The following EDNRA variants were observed in gnomAD, a reference collection of about 807,000 sequenced individuals.
The protein encoded by EDNRA is endothelin receptor type A.
A neutral mutation model predicts 41.4 loss-of-function variants in EDNRA; 11 were observed. The ratio of observed to expected loss-of-function variants is 0.27; its 90% confidence interval spans 0.17 to 0.44. The LOEUF is 0.44. Among genes scored for constraint, EDNRA ranks in the 20% least tolerant of loss-of-function variants. The pLI is 1.00. For synonymous variants in EDNRA, 172 were observed against 183.0 expected (o/e 0.94, Z 0.49); for missense variants, 294 against 531.0 (o/e 0.55, Z 4.39).
At chr4:147,504,454 C>T (rs369461689) in intron 2 of EDNRA, among the ~76,000 whole-genome samples, 4 of 152,098 alleles carry the variant, frequency 2.6e-5, no homozygotes, top group Admixed American at 1.3e-4. Flanking sequence ...AAACTACATT[C>T]GTTAATATCA....
chr4:147,542,216 C>A (rs1731128711), intron 7 of EDNRA, among the ~76,000 whole-genome samples: 1 of 152,210 alleles, frequency 6.6e-6, no homozygotes, highest in South Asian at 2.1e-4. Flanking sequence ...AGCCCTTCCT[C>A]TCACCTACAG....
chr4:147,533,779 T>C (rs1401618331), intron 4 of EDNRA, among the ~76,000 whole-genome samples: 2 of 152,190 alleles, frequency 1.3e-5, no homozygotes, highest in Non-Finnish European at 2.9e-5. Context: ...AGAGGTTCAC[T>C]ATAAGAAGGA....
chr4:147,539,989 C>A, intron 6 of EDNRA, 39 bp downstream of exon 6: 2 of 1,550,550 alleles, frequency 1.3e-6, no homozygotes, highest in South Asian at 2.5e-5. Flanking sequence ...TGGAGTTTCT[C>A]AGATTTTCAT....
chr4:147,516,967 A>G (rs905462491), intron 2 of EDNRA, among the ~76,000 whole-genome samples: 3 of 150,028 alleles, frequency 2.0e-5, no homozygotes, highest in South Asian at 4.2e-4. Flanking sequence ...TATTATTTCC[A>G]TATGTTCCCA....
chr4:147,485,752 A>T lies in EDNRA; in HGVS notation c.71A>T (p.Glu24Val), dbSNP rs1309363591. The T allele has an allele frequency of 6.2e-7, 1 of 1,614,206 alleles. No individual in the cohort carries two copies. The highest frequency in any genetic ancestry group is 8.5e-7 in the Non-Finnish European group (1 of 1,180,026). ...GGATGTGTAATCAGTGATAATCCTG[A>T]GAGATACAGCACAAATCTAAGCAAT... ...LVGCVISDNP[E>V]RYSTNLSNHV... is the part of the protein sequence containing the mutation. Residue 24 changes from glutamate to valine, a missense_variant, in exon 2 of 8, where the codon GAG (glutamate) becomes GTG (valine). Glu to Val is a moderately radical substitution (Grantham distance 121). This residue lies in a region of EDNRA where 90 missense variants were observed against 122.8 expected (regional missense o/e 0.73). Transcript: ENST00000651419.
chr4:147,530,371 GAACA>G (rs1468360336), intron 3 of EDNRA, among the ~76,000 whole-genome samples: 1 of 151,946 alleles, frequency 6.6e-6, no homozygotes, highest in East Asian at 1.9e-4. Flanking sequence ...TTTAACAAGG[GAACA>G]AAGAAAAATA....
intron 4 of EDNRA, among the ~76,000 whole-genome samples, chr4:147,533,222 C>T (rs1228975135): frequency 6.6e-6 from 1 of 152,000 alleles, no homozygotes; most frequent in Non-Finnish European, 1.5e-5. Flanking sequence ...GTTTCTATGT[C>T]TAATATACAA....
intron 2 of EDNRA, chr4:147,487,963 A>C (rs1578772863): frequency 6.6e-6 from 1 of 152,362 alleles, no homozygotes; most frequent in South Asian, 2.1e-4. Context: ...TACTATGTGC[A>C]CACAACCACT....
At chr4:147,535,787 T>G in intron 4 of EDNRA, 90 bp from the exon 5 acceptor site, 1 of 1,506,248 alleles carries the variant, frequency 6.6e-7, no homozygotes. Context: ...ATCTGCAAGT[T>G]TAAAGACCTT....
chr4:147,516,947 T>A (rs963925472), intron 2 of EDNRA, among the ~76,000 whole-genome samples: 2 of 151,750 alleles, frequency 1.3e-5, no homozygotes. Context: ...CATAATGGAG[T>A]ACTAAAAGAT....
intron 5 of EDNRA, among the ~76,000 whole-genome samples, chr4:147,538,412 T>G (rs1261614418): frequency 2.6e-5 from 4 of 152,178 alleles, no homozygotes; most frequent in African/African-American, 9.7e-5. Flanking sequence ...CCCAGCTGCC[T>G]TAACAAATCA....
At chr4:147,516,824 G>T (rs997909515) in intron 2 of EDNRA, among the ~76,000 whole-genome samples, 7 of 151,988 alleles carry the variant, frequency 4.6e-5, no homozygotes, top group Admixed American at 4.6e-4. Flanking sequence ...CTCTTAAACA[G>T]TTACTTATTT....
chr4:147,512,775 C>T (rs1017750882), intron 2 of EDNRA, among the ~76,000 whole-genome samples: 1 of 152,164 alleles, frequency 6.6e-6, no homozygotes, highest in Non-Finnish European at 1.5e-5. Context: ...GTGGAGCTCC[C>T]AGGGAAGATT....
chr4:147,528,844 A>T (rs962249893), intron 3 of EDNRA, among the ~76,000 whole-genome samples: 27 of 152,088 alleles, frequency 1.8e-4, no homozygotes, highest in African/African-American at 6.3e-4. Context: ...GGAAGTGAGG[A>T]AGCAGCTCTG....
At chr4:147,506,110 A>T (rs1157143912) in intron 2 of EDNRA, 1 of 525,350 alleles carries the variant, frequency 1.9e-6, no homozygotes, top group Non-Finnish European at 3.8e-6. Context: ...TATTTGTCAC[A>T]GCAATGAGCT....
chr4:147,485,473 T>C, intron 1 of EDNRA, 139 bp from the exon 2 acceptor site: 1 of 646,872 alleles, frequency 1.5e-6, no homozygotes. Context: ...TGCTCTGTCA[T>C]AGGGTAACCT....
intron 3 of EDNRA, among the ~76,000 whole-genome samples, chr4:147,528,368 T>C (rs1730627685): frequency 6.6e-6 from 1 of 150,710 alleles, no homozygotes; most frequent in Non-Finnish European, 1.5e-5. Flanking sequence ...TTTTTTTTTT[T>C]TTTTTTTCAG....
rs370352632 is a variant in EDNRA, at chr4:147,514,619, G to A, written c.421-5232G>A. ...CTCCCAAGTAGCTGGGATTATAGGC[G>A]CGTGCCACCACACCTGGCTAATTCT... On this transcript the variant is annotated intron_variant, in intron 2 of 7. Transcript: ENST00000651419. 1.9e-4 allele frequency among the ~76,000 whole-genome samples: 29 copies of A among 151,942 alleles called. No homozygotes were observed. The East Asian group carries it at 2.9e-3, about 15-fold the overall frequency.
At chr4:147,512,994 C>T (rs6537489) in intron 2 of EDNRA, among the ~76,000 whole-genome samples, 40,079 of 152,060 alleles carry the variant, frequency 0.26, 5,726 homozygotes, top group African/African-American at 0.39. Context: ...CACAGTAATC[C>T]TCTGTGGTAG....
Sources: allele counts gnomAD v4.1 joint callset (sites outside exome capture counted in the v4.1 genomes callset), GRCh38; gene constraint gnomAD v4.1.1; regional missense constraint gnomAD v4.1.1; transcripts MANE v1.5; gene names NCBI Gene and HGNC (gene_info 2026-07-23, HGNC 2026-07-21).